GABRA5: variants seen among roughly 807,000 people sequenced by gnomAD.
GABRA5 encodes gamma-aminobutyric acid type A receptor subunit alpha5, also known as gamma-aminobutyric acid receptor subunit alpha-5.
A neutral mutation model predicts 47.3 loss-of-function variants in GABRA5; 18 were observed. The ratio of observed to expected loss-of-function variants is 0.38; its 90% confidence interval spans 0.26 to 0.56. The LOEUF (loss-of-function observed/expected upper bound fraction) is 0.56, where lower values mean the gene tolerates loss of function less well. Ranked by LOEUF, GABRA5 falls within the 20% of genes least tolerant of loss-of-function variation. The pLI, the probability that GABRA5 is intolerant of heterozygous loss-of-function variation, is 0.71. For synonymous variants in GABRA5, 237 were observed against 229.3 expected (o/e 1.03, Z -0.30); for missense variants, 365 against 599.3 (o/e 0.61, Z 4.08).
intron 3 of GABRA5, among the ~76,000 whole-genome samples, chr15:26,875,004 C>G (rs969558839): frequency 6.6e-6 from 1 of 152,226 alleles, no homozygotes; most frequent in South Asian, 2.1e-4. Context: ...AGTTACTTCA[C>G]CTGCCTGCAA....
intron 4 of GABRA5, among the ~76,000 whole-genome samples, chr15:26,882,172 G>C (rs572966908): frequency 2.0e-4 from 31 of 152,264 alleles, no homozygotes; most frequent in Admixed American, 1.3e-4. Context: ...AGAGCATCTA[G>C]AGGAGCCCTA....
chr15:26,904,208 C>T (rs1893390447), intron 6 of GABRA5, among the ~76,000 whole-genome samples: 1 of 151,952 alleles, frequency 6.6e-6, no homozygotes, highest in Non-Finnish European at 1.5e-5. Flanking sequence ...ATCCCAGCAC[C>T]ATTTATAGGG....
Position 26,885,250 on chromosome 15 carries a change from G to A in GABRA5, c.497+1693G>A, listed in dbSNP as rs555244748. ...GGAGGCGGAGCTTGCAGTGAGCCCA[G>A]ATCGCACCACTGCACTCCAGCCTGG... On this transcript the variant is annotated intron_variant, in intron 6 of 10. Transcript: ENST00000335625. 1.0e-4 allele frequency among the ~76,000 whole-genome samples: 15 copies of A among 147,816 alleles called. No individual in the cohort carries two copies. The South Asian group carries it at 3.2e-3, about 31-fold the overall frequency.
At chr15:26,926,462 G>C (rs938971856) in intron 7 of GABRA5, among the ~76,000 whole-genome samples, 3 of 152,104 alleles carry the variant, frequency 2.0e-5, no homozygotes, top group Non-Finnish European at 4.4e-5. Context: ...GATATATACA[G>C]AGATTAAGAT....
intron 8 of GABRA5, 79 bp downstream of exon 8, chr15:26,937,407 T>C (rs1894272597): frequency 1.4e-6 from 2 of 1,443,256 alleles, no homozygotes; most frequent in Non-Finnish European, 1.8e-6. Flanking sequence ...TCCCAGCACC[T>C]CTCTGCAGGG....
intron 7 of GABRA5, among the ~76,000 whole-genome samples, chr15:26,920,918 T>C (rs1893828959): frequency 6.6e-6 from 1 of 152,234 alleles, no homozygotes; most frequent in South Asian, 2.1e-4. Flanking sequence ...TTCTGCGTTT[T>C]CTGCATTAGT....
chr15:26,880,657 G>T, intron 3 of GABRA5, 189 bp from the exon 4 acceptor site: 1 of 503,346 alleles, frequency 2.0e-6, no homozygotes, highest in East Asian at 3.4e-5. Context: ...CCCAAGCAGA[G>T]TATCCTTGGA....
At chr15:26,886,224 T>A (rs1892876334) in intron 6 of GABRA5, among the ~76,000 whole-genome samples, 2 of 152,012 alleles carry the variant, frequency 1.3e-5, no homozygotes, top group African/African-American at 4.8e-5. Flanking sequence ...TTCACTACAT[T>A]GGCCAGGCTG....
chr15:26,911,847 G>A (rs1251482188), intron 6 of GABRA5, among the ~76,000 whole-genome samples: 2 of 152,216 alleles, frequency 1.3e-5, no homozygotes, highest in Non-Finnish European at 2.9e-5. Context: ...GGGAAACTGA[G>A]TGCCTGCCGG....
At chr15:26,873,025 G>A (rs530256445) in intron 3 of GABRA5, among the ~76,000 whole-genome samples, 2 of 152,236 alleles carry the variant, frequency 1.3e-5, no homozygotes, top group South Asian at 4.1e-4. Flanking sequence ...TTAAATTATG[G>A]AACAGAGACC....
intron 3 of GABRA5, among the ~76,000 whole-genome samples, chr15:26,873,771 A>G (rs1892526551): frequency 6.6e-6 from 1 of 152,326 alleles, no homozygotes; most frequent in South Asian, 2.1e-4. Flanking sequence ...TTATGATAAC[A>G]ATTCTGAAAG....
intron 3 of GABRA5, among the ~76,000 whole-genome samples, chr15:26,877,101 G>T (rs1892617624): frequency 6.6e-6 from 1 of 152,172 alleles, no homozygotes; most frequent in African/African-American, 2.4e-5. Context: ...AGAACTGGGG[G>T]ATTTTAGGAT....
chr15:26,932,869 C>G (rs1894141979), intron 7 of GABRA5, among the ~76,000 whole-genome samples: 1 of 152,178 alleles, frequency 6.6e-6, no homozygotes, highest in Admixed American at 6.5e-5. Context: ...ACTGCATGTT[C>G]TCACTTACAA....
chr15:26,937,132 C>T (rs1894261680), intron 7 of GABRA5, 53 bp from the exon 8 acceptor site: 1 of 1,599,690 alleles, frequency 6.3e-7, no homozygotes, highest in African/African-American at 1.3e-5. Context: ...CTGTGTTTTC[C>T]AGGCTGGGAA....
Position 26,948,223 on chromosome 15 carries a change from C to T in GABRA5, c.1379C>T (p.Ser460Phe). The T allele has an allele frequency of 6.2e-7, 1 of 1,611,360 alleles. No homozygotes were observed. Among genetic ancestry groups the T allele is most frequent in the Non-Finnish European group, 8.5e-7 (1 of 1,179,202 alleles). ...GAGCCGGTGATAAAAGGAGCCGCCT[C>T]TCCAAAATAACCGGCCACACTCCCA... is the stretch of plus-strand genomic sequence containing the variant. The part of the protein sequence containing the change: ...NREPVIKGAA[S>F]PK The change falls in exon 11 of 11, where the codon TCT (serine) becomes TTT (phenylalanine). Residue 460 changes from serine to phenylalanine, a missense_variant. This residue lies in a region of GABRA5 where 106 missense variants were observed against 130.3 expected (regional missense o/e 0.81). Transcript: ENST00000335625.
chr15:26,868,018 G>GCGACCGCGGGTGC (rs1892364144), intron 1 of GABRA5: 1 of 151,966 alleles, frequency 6.6e-6, no homozygotes, highest in African/African-American at 2.4e-5. Context: ...CGCGCGGGTG[G>GCGACCGCGGGTGC]CGACCGCGGG....
At chr15:26,873,627 T>C (rs1166868633) in intron 3 of GABRA5, among the ~76,000 whole-genome samples, 1 of 152,204 alleles carries the variant, frequency 6.6e-6, no homozygotes, top group East Asian at 1.9e-4. Flanking sequence ...TTCTTTTAAA[T>C]AGAGCAGAAA....
intron 3 of GABRA5, among the ~76,000 whole-genome samples, chr15:26,880,015 C>T (rs1161363655): frequency 6.6e-6 from 1 of 152,204 alleles, no homozygotes; most frequent in Non-Finnish European, 1.5e-5. Context: ...GATCCATGCT[C>T]TTCAGCTGTG....
At chr15:26,920,430 C>G (rs1024130033) in intron 7 of GABRA5, among the ~76,000 whole-genome samples, 5 of 151,864 alleles carry the variant, frequency 3.3e-5, no homozygotes, top group African/African-American at 1.2e-4. Context: ...TTATTGTATT[C>G]TTTAACTCCG....
Sources: allele counts gnomAD v4.1 joint callset (sites outside exome capture counted in the v4.1 genomes callset), GRCh38; gene constraint gnomAD v4.1.1; regional missense constraint gnomAD v4.1.1; transcripts MANE v1.5; gene names NCBI Gene and HGNC (gene_info 2026-07-23, HGNC 2026-07-21).